The following GATA4 variants were observed in gnomAD, a reference collection of about 807,000 sequenced individuals.
GATA4 encodes GATA binding protein 4.
Under a neutral mutation model 37.9 loss-of-function variants are expected in GATA4, and 7 were observed. The ratio of observed to expected loss-of-function variants is 0.18; its 90% CI spans 0.11 to 0.35. GATA4 has a LOEUF of 0.35. GATA4 is among the 10% of genes least tolerant of loss of function. The pLI is 1.00. For missense variants in GATA4, 647 were observed against 653.0 expected, an observed-to-expected ratio of 0.99 and a Z score of 0.10; for synonymous variants, 372 against 292.6, an observed-to-expected ratio of 1.27 and a Z score of -2.77.
chr8:11,680,860 ACCCATTTCTTCTCAGTTGCGAC>A, intron 1 of GATA4: 1 of 985,146 alleles, frequency 1.0e-6, no homozygotes, highest in Non-Finnish European at 1.2e-6. Flanking sequence ...GAAGCCCCTG[ACCCATTTCTTCTCAGTTGCGAC>A]CCCCTGTGTG....
At chr8:11,733,813 C>T (rs1801320890) in intron 2 of GATA4, among the ~76,000 whole-genome samples, 1 of 152,134 alleles carries the variant, frequency 6.6e-6, no homozygotes, top group Non-Finnish European at 1.5e-5. Context: ...GGATTATTTC[C>T]ACCACCCCGA....
Position 11,708,705 on chromosome 8 carries a change from C to G in GATA4, c.393C>G (p.Ala131=), listed in dbSNP as rs1800015768. 1 of 1,276,010 alleles carries G rather than the reference C, an allele frequency of 7.8e-7. No individual in the cohort carries two copies. Among genetic ancestry groups the G allele is most frequent in the South Asian group, 2.8e-5 (1 of 35,982 alleles). 79.0% of individuals were successfully genotyped at this position (1,276,010 alleles called of 1,614,324 possible). A position where few individuals can be genotyped will look rare whatever the true frequency, so the allele number is the denominator to read the frequency against. Residue 131 remains alanine (A), a synonymous_variant, in exon 2 of 7, where the codon GCC becomes GCG. Coordinates refer to ENST00000532059, the MANE Select transcript of GATA4 (RefSeq NM_001308093.3). This position sits in a 1 kb window ranked among gnomAD's most constrained non-coding sequence, Gnocchi z 6.7. The part of the protein sequence containing the change: ...AAAAAAREAA[A]YSSGGGAAGA... ...CTGCCGCGGCCCGGGAAGCTGCGGCCTACAGCAGTGGCGGCGGAGCGGCGG... is the reference window on the plus strand; with the variant it reads ...CTGCCGCGGCCCGGGAAGCTGCGGCGTACAGCAGTGGCGGCGGAGCGGCGG...
In GATA4 at chr8:11,708,500, C is replaced by A; in HGVS notation, c.188C>A (p.Ser63Tyr). Residue 63 changes from serine to tyrosine, a missense_variant, in exon 2 of 7, where the codon TCC (serine) becomes TAC (tyrosine). Physicochemically the swap from Ser to Tyr is moderately radical, Grantham distance 144. Around this residue, in one of 5 missense-constraint regions of GATA4, gnomAD observed 379 missense variants for 334.5 expected, o/e 1.13. Transcript: ENST00000532059. The surrounding 1 kb of genome is among the most constrained non-coding windows in gnomAD (Gnocchi z 6.7). ...CAGGGCGGAGGCGCGGGCTCTGCGT[C>A]CGGAGGCGCCTCGGGCGGCAGCTCC... The part of the protein sequence containing the change: ...YLQGGGAGSA[S>Y]GGASGGSSGG... 1 of 1,481,636 alleles carries A rather than the reference C, an allele frequency of 6.7e-7. No homozygotes were observed. 91.8% of individuals were successfully genotyped at this position (1,481,636 alleles called of 1,614,324 possible). A position where few individuals can be genotyped will look rare whatever the true frequency, so the allele number is the denominator to read the frequency against.
intron 2 of GATA4, among the ~76,000 whole-genome samples, chr8:11,710,837 AC>A (rs1477143447): frequency 6.6e-6 from 1 of 152,140 alleles, no homozygotes; most frequent in African/African-American, 2.4e-5. Flanking sequence ...AAAACGAAAT[AC>A]CCGCCGGGCG....
chr8:11,736,640 G>A (rs1404118176), intron 2 of GATA4, among the ~76,000 whole-genome samples: 3 of 152,236 alleles, frequency 2.0e-5, no homozygotes, highest in African/African-American at 4.8e-5. Context: ...GCAGAAGGCG[G>A]AGCCACCCTT....
chr8:11,728,424 G>C (rs547073515), intron 2 of GATA4, among the ~76,000 whole-genome samples: 1 of 152,078 alleles, frequency 6.6e-6, no homozygotes, highest in African/African-American at 2.4e-5. Context: ...GCTGGAGTGC[G>C]GTGCTGTGAT....
At chr8:11,684,544 AGT>A (rs1799079892) in intron 1 of GATA4, among the ~76,000 whole-genome samples, 1 of 152,232 alleles carries the variant, frequency 6.6e-6, no homozygotes, top group African/African-American at 2.4e-5. Flanking sequence ...TCCCTAGGTC[AGT>A]GTAAGAGTTT....
chr8:11,752,567 G>A (rs554956269), intron 4 of GATA4, among the ~76,000 whole-genome samples: 1 of 152,236 alleles, frequency 6.6e-6, no homozygotes, highest in African/African-American at 2.4e-5. Flanking sequence ...CCCACAACAT[G>A]TGGGAATTAT....
intron 1 of GATA4, chr8:11,681,448 C>T: frequency 1.0e-6 from 1 of 982,896 alleles, no homozygotes; most frequent in Non-Finnish European, 1.2e-6. Context: ...CCCGCGCAGA[C>T]GCCGGAATCC....
At chr8:11,731,677 G>A (rs1013654266) in intron 2 of GATA4, among the ~76,000 whole-genome samples, 4 of 152,204 alleles carry the variant, frequency 2.6e-5, no homozygotes, top group Non-Finnish European at 5.9e-5. Context: ...ACAACAGTGT[G>A]AACACATTTA....
In GATA4 at chr8:11,749,921, G is replaced by C. The variant is rs568464048; in HGVS notation, c.787-190G>C. On this transcript the variant is annotated intron_variant, in intron 3 of 6. Coordinates refer to ENST00000532059, the MANE Select transcript of GATA4 (RefSeq NM_001308093.3). This position sits in a 1 kb window ranked among gnomAD's most constrained non-coding sequence, Gnocchi z 4.6. ...CCTCGGGCAGCAGAAACCTTGTTCT[G>C]ATTTATTCCTCGCAGTGGCGCAGGT... is the stretch of plus-strand genomic sequence containing the variant. Among the ~76,000 whole-genome samples, 7 of 152,360 alleles carry C rather than the reference G, an allele frequency of 4.6e-5. No individual in the cohort carries two copies. In the East Asian group the frequency reaches 1.4e-3, roughly 29 times the overall value.
At chr8:11,734,212 A>G (rs1005251576) in intron 2 of GATA4, among the ~76,000 whole-genome samples, 2 of 152,258 alleles carry the variant, frequency 1.3e-5, no homozygotes, top group African/African-American at 4.8e-5. Context: ...ATGTACAAGG[A>G]TGCCTGATGA....
In GATA4 at chr8:11,757,054, C is replaced by T. The variant is rs913225830; in HGVS notation, c.1120C>T (p.His374Tyr). 1.9e-6 allele frequency: 3 copies of T among 1,614,202 alleles called. No homozygotes were observed. In the Admixed American group the frequency reaches 5.0e-5, roughly 27 times the overall value. ...CAAGACGGAGCCTGGCCTGTCATCT[C>T]ACTACGGGCACAGCAGCTCCGTGTC... ...PIKTEPGLSS[H>Y]YGHSSSVSQT... is the part of the protein sequence containing the mutation. The change falls in exon 6 of 7, where the codon CAC becomes TAC. Residue 374 changes from histidine (H) to tyrosine (Y), a missense_variant. Physicochemically the swap from His to Tyr is moderately conservative, Grantham distance 83. Around this residue, in one of 5 missense-constraint regions of GATA4, gnomAD observed 184 missense variants for 157.1 expected, o/e 1.17. Coordinates refer to ENST00000532059, the MANE Select transcript of GATA4 (RefSeq NM_001308093.3).
At chr8:11,745,239 G>A (rs1035236471) in intron 2 of GATA4, among the ~76,000 whole-genome samples, 7 of 152,120 alleles carry the variant, frequency 4.6e-5, no homozygotes, top group South Asian at 4.2e-4. Flanking sequence ...CTGAGATCAC[G>A]CTCCAGGGAT....
In GATA4 at chr8:11,708,791, G is replaced by A. The variant is rs1358565879; in HGVS notation, c.479G>A (p.Ser160Asn). Residue 160 changes from serine to asparagine, a missense_variant, in exon 2 of 7, where the codon AGC becomes AAC. By Grantham distance (46) the Ser-to-Asn change is conservative (BLOSUM62 1). Transcript: ENST00000532059. This position sits in a 1 kb window ranked among gnomAD's most constrained non-coding sequence, Gnocchi z 6.7. ...GCCGGCTTCGCGGGCTCCTACTCCA[G>A]CCCCTACCCGGCTTACATGGCCGAC... The part of the protein sequence containing the change: ...GRAGFAGSYS[S>N]PYPAYMADVG... 2.7e-6 allele frequency: 4 copies of A among 1,472,528 alleles called. No individual in the cohort carries two copies. The highest frequency in any genetic ancestry group is 3.6e-6 in the Non-Finnish European group (4 of 1,118,884). 91.2% of individuals were successfully genotyped at this position (1,472,528 alleles called of 1,614,324 possible).
intron 2 of GATA4, among the ~76,000 whole-genome samples, chr8:11,711,181 A>G (rs1441888692): frequency 5.3e-5 from 8 of 152,228 alleles, no homozygotes; most frequent in Non-Finnish European, 1.0e-4. Flanking sequence ...CATGCCATGT[A>G]GAGGTTGCTG....
chr8:11,691,567 G>A (rs1289819257), upstream of GATA4, among the ~76,000 whole-genome samples: 4 of 152,230 alleles, frequency 2.6e-5, no homozygotes, highest in Non-Finnish European at 4.4e-5. Context: ...AGGAACCTGG[G>A]AGACAGTTTA....
chr8:11,693,285 G>T lies in GATA4; in HGVS notation c.-729+625G>T, dbSNP rs964538074. 2.6e-5 allele frequency among the ~76,000 whole-genome samples: 4 copies of T among 152,074 alleles called. No homozygotes were observed. In the South Asian group the frequency reaches 8.3e-4, roughly 32 times the overall value. On this transcript the variant is annotated intron_variant, in intron 1 of 2. Coordinates refer to the GATA4 transcript ENST00000526974. ...GATAGAGACCAGCCTGGGCACCATG[G>T]CGAAACTCCATCTCTACGAAAAAAT...
intron 1 of GATA4, among the ~76,000 whole-genome samples, 180 bp downstream of exon 1, chr8:11,704,484 C>A (rs1489683429): frequency 1.3e-5 from 2 of 152,236 alleles, no homozygotes; most frequent in Non-Finnish European, 2.9e-5. Context: ...TTAGCAACTT[C>A]TTTAAGTCAA....
Sources: allele counts gnomAD v4.1 joint callset (sites outside exome capture counted in the v4.1 genomes callset), GRCh38; gene constraint gnomAD v4.1.1; regional missense constraint gnomAD v4.1.1; non-coding constraint Gnocchi (gnomAD v3.1); transcripts MANE v1.5; gene names NCBI Gene and HGNC (gene_info 2026-07-23, HGNC 2026-07-21).